The following STEAP3 variants were observed in gnomAD, a reference collection of about 807,000 sequenced individuals.
The protein encoded by STEAP3 is metalloreductase STEAP3.
In STEAP3, 35 loss-of-function variants were observed where a neutral mutation model predicts 34.9. That is an observed-to-expected ratio of 1.00 (90% CI 0.76 to 1.33). STEAP3 has a LOEUF of 1.33. Among genes scored for constraint, STEAP3 ranks in the 40% most tolerant of loss-of-function variants. The pLI, the probability that STEAP3 is intolerant of heterozygous loss-of-function variation, is 0.00. For synonymous variants in STEAP3, 281 were observed against 301.6 expected (o/e 0.93, Z 0.71); for missense variants, 652 against 667.6 (o/e 0.98, Z 0.26).
rs552970754 is a variant in STEAP3, at chr2:119,238,194, GA to G, written c.22+7163del. Among the ~76,000 whole-genome samples, 26 of 152,296 alleles carry G rather than the reference GA, an allele frequency of 1.7e-4. No homozygotes were observed. In the South Asian group the frequency reaches 5.2e-3, roughly 30 times the overall value. On this transcript the variant is annotated intron_variant, in intron 2 of 5. Transcript: ENST00000393110. ...AGGAGTGGAGTTGCTGGGTCATATA[GA>G]AACTGTTTAACGTTTTGAAGAATTC... is the stretch of plus-strand genomic sequence containing the variant.
At chr2:119,238,498 G>A (rs892345582) in intron 2 of STEAP3, among the ~76,000 whole-genome samples, 3 of 152,054 alleles carry the variant, frequency 2.0e-5, no homozygotes, top group Non-Finnish European at 4.4e-5. Context: ...TTTTAATACC[G>A]AGGTGTAAGA....
Position 119,247,803 on chromosome 2 carries a change from T to A in STEAP3, c.647T>A (p.Leu216Gln), listed in dbSNP as rs1677482295. ...ASAWEVEAMPLRLLPAWKVPT... is the reference protein window; with the variant it reads ...ASAWEVEAMPQRLLPAWKVPT... ...GCCTGGGAGGTGGAGGCCATGCCCC[T>A]GCGCCTCCTCCCGGCCTGGAAGGTG... The change falls in exon 4 of 6, where the codon CTG becomes CAG. Residue 216 changes from leucine to glutamine, a missense_variant. By Grantham distance (113) the Leu-to-Gln change is moderately radical (BLOSUM62 -2). Coordinates refer to ENST00000393110, the MANE Select transcript of STEAP3 (RefSeq NM_182915.3). 1 of 1,611,584 alleles carries A rather than the reference T, an allele frequency of 6.2e-7. No homozygotes were observed. Among genetic ancestry groups the A allele is most frequent in the Non-Finnish European group, 8.5e-7 (1 of 1,179,932 alleles).
chr2:119,228,324 C>G (rs1679106311), intron 1 of STEAP3, among the ~76,000 whole-genome samples: 1 of 152,150 alleles, frequency 6.6e-6, no homozygotes, highest in Admixed American at 6.5e-5. Flanking sequence ...TGAGGTCTGG[C>G]CTGCCCATTG....
intron 2 of STEAP3, chr2:119,244,300 G>A (rs1002819875): frequency 6.6e-6 from 1 of 151,642 alleles, no homozygotes; most frequent in Non-Finnish European, 1.5e-5. Context: ...CTGGAGTTCA[G>A]TGGTGCGATC....
chr2:119,232,755 C>T (rs556610641), intron 2 of STEAP3, among the ~76,000 whole-genome samples: 2 of 152,178 alleles, frequency 1.3e-5, no homozygotes, highest in African/African-American at 4.8e-5. Context: ...CTAACATTAG[C>T]ATGTGGGGAA....
intron 5 of STEAP3, chr2:119,257,535 C>G (rs1377258182): frequency 2.3e-5 from 35 of 1,544,378 alleles, no homozygotes; most frequent in Non-Finnish European, 2.8e-5. Flanking sequence ...CCCCCACTTA[C>G]CTGCCCCGCA....
chr2:119,232,293 C>A (rs1248227467), intron 2 of STEAP3, among the ~76,000 whole-genome samples: 1 of 152,316 alleles, frequency 6.6e-6, no homozygotes, highest in East Asian at 1.9e-4. Context: ...CAACTCGGGG[C>A]CCAGAGGAGG....
intron 5 of STEAP3, among the ~76,000 whole-genome samples, chr2:119,259,456 G>A (rs1179451796): frequency 6.6e-6 from 1 of 152,226 alleles, no homozygotes; most frequent in Non-Finnish European, 1.5e-5. Flanking sequence ...TTTGTTATTG[G>A]CTGGCCTTTG....
At chr2:119,244,174 C>A (rs970279442) in intron 2 of STEAP3, among the ~76,000 whole-genome samples, 3 of 151,918 alleles carry the variant, frequency 2.0e-5, no homozygotes, top group African/African-American at 7.3e-5. Context: ...AAATGACAAG[C>A]TCTAGTGGCA....
chr2:119,230,969 G>A lies in STEAP3; in HGVS notation c.-44G>A, dbSNP rs753551000. ...GAAAGGGTGGCTCACCTCACGGTGA[G>A]GCTGTCGAGTGACCTGAGAGCCTCA... On this transcript the variant is annotated 5_prime_UTR_variant, in exon 2 of 6. Transcript: ENST00000393110. 2 of 1,614,012 alleles carry A rather than the reference G, an allele frequency of 1.2e-6. No individual in the cohort carries two copies. The highest frequency in any genetic ancestry group is 1.7e-6 in the Non-Finnish European group (2 of 1,179,968).
chr2:119,247,598 G>A (rs1044423627), intron 3 of STEAP3, 81 bp from the exon 4 acceptor site: 70 of 1,432,772 alleles, frequency 4.9e-5, no homozygotes, highest in Middle Eastern at 2.0e-4. Flanking sequence ...TCTGGCCCTC[G>A]GTTTCCTCAG....
intron 2 of STEAP3, among the ~76,000 whole-genome samples, chr2:119,236,084 A>G (rs13391380): frequency 6.6e-6 from 1 of 152,146 alleles, no homozygotes; most frequent in African/African-American, 2.4e-5. Context: ...CCTCCAGGCC[A>G]TTATCTTAGA....
intron 3 of STEAP3, among the ~76,000 whole-genome samples, chr2:119,247,099 A>C (rs1677451450): frequency 6.6e-6 from 1 of 152,150 alleles, no homozygotes; most frequent in Non-Finnish European, 1.5e-5. Flanking sequence ...TGAGGACTGC[A>C]ATGTGCCTGC....
chr2:119,248,431 T>C (rs1677520161), intron 4 of STEAP3: 3 of 568,520 alleles, frequency 5.3e-6, no homozygotes, highest in South Asian at 5.0e-5. Flanking sequence ...TACAGCCCAG[T>C]TGGGGCAGAC....
At chr2:119,224,796 C>T (rs1678987631) in intron 1 of STEAP3, among the ~76,000 whole-genome samples, 1 of 152,164 alleles carries the variant, frequency 6.6e-6, no homozygotes, top group Non-Finnish European at 1.5e-5. Flanking sequence ...AGCAGATATT[C>T]CCATTTATGT....
At chr2:119,249,340 C>A (rs769187937) in intron 4 of STEAP3, among the ~76,000 whole-genome samples, 4 of 152,128 alleles carry the variant, frequency 2.6e-5, no homozygotes, top group Non-Finnish European at 5.9e-5. Flanking sequence ...CCCTCCTGGT[C>A]CACAAGCTCA....
At chr2:119,261,648 A>G (rs1046996686) in intron 5 of STEAP3, among the ~76,000 whole-genome samples, 2 of 152,102 alleles carry the variant, frequency 1.3e-5, no homozygotes, top group African/African-American at 4.8e-5. Flanking sequence ...CTTATCTCCC[A>G]CTGAAGTTGA....
Position 119,263,378 on chromosome 2 carries a change from A to G in STEAP3, c.*40A>G. ...GCTCTGGACCCCGGGCACACGAGGG[A>G]CGGTGCCCTGAGCCCGTTAGGTTTT... is the stretch of plus-strand genomic sequence containing the variant. On this transcript the variant is annotated 3_prime_UTR_variant, in exon 6 of 6. Transcript: ENST00000393110. 6.3e-7 allele frequency: 1 copy of G among 1,594,260 alleles called. No individual in the cohort carries two copies. Among genetic ancestry groups the G allele is most frequent in the Non-Finnish European group, 8.5e-7 (1 of 1,171,162 alleles).
rs1429838927 is a variant in STEAP3, at chr2:119,223,849, C to CTGAA, written c.-432_-431insGAAT. On this transcript the variant is annotated 5_prime_UTR_variant, in exon 1 of 6. Coordinates refer to ENST00000393110, the MANE Select transcript of STEAP3 (RefSeq NM_182915.3). Reference sequence around the variant, plus strand: ...CCGAGCCACCGCCTTCGCCGCGGACCTTCAGCTGCCGCGGTCGCTCCGAGC... The same window carrying CTGAA: ...CCGAGCCACCGCCTTCGCCGCGGACCTGAATTCAGCTGCCGCGGTCGCTCCGAGC... The CTGAA allele has an allele frequency of 6.6e-6, 1 of 152,202 alleles. No individual in the cohort carries two copies. The highest frequency in any genetic ancestry group is 2.4e-5 in the African/African-American group (1 of 41,450). The allele number at this position is 152,202 out of a possible 1,614,324, so 9.4% of individuals were successfully genotyped here. A position where few individuals can be genotyped will look rare whatever the true frequency, so the allele number is the denominator to read the frequency against.
Sources: allele counts gnomAD v4.1 joint callset (sites outside exome capture counted in the v4.1 genomes callset), GRCh38; gene constraint gnomAD v4.1.1; transcripts MANE v1.5; gene names NCBI Gene and HGNC (gene_info 2026-07-23, HGNC 2026-07-21).